LARGE1: variants seen among roughly 807,000 people sequenced by gnomAD.
The protein encoded by LARGE1 is LARGE xylosyl- and glucuronyltransferase 1.
LARGE1 carries 43 observed loss-of-function variants against 87.6 expected under a neutral mutation model. The observed-to-expected ratio is 0.49, with a 90% confidence interval of 0.38 to 0.63. LARGE1 has a LOEUF of 0.63. Ranked by LOEUF, LARGE1 falls within the 30% of genes least tolerant of loss-of-function variation. LARGE1 has a pLI of 0.00. For missense variants in LARGE1, 802 were observed against 1,000.2 expected (o/e 0.80, Z 2.67); for synonymous variants, 434 against 394.6 (o/e 1.10, Z -1.18).
chr22:33,195,337 C>G (rs1230158126), intron 11 of LARGE1, among the ~76,000 whole-genome samples: 2 of 152,092 alleles, frequency 1.3e-5, no homozygotes. Context: ...TCTGAACTAA[C>G]TGGTATCTGT....
At chr22:33,127,247 A>G in the LARGE1 span, among the ~76,000 whole-genome samples, 1 of 152,160 alleles carries the variant, frequency 6.6e-6, no homozygotes, top group Non-Finnish European at 1.5e-5. Flanking sequence ...TCTCCTATAT[A>G]TCCAATCCCC....
chr22:33,808,646 C>A (rs931891210), intron 1 of LARGE1, among the ~76,000 whole-genome samples: 1 of 152,232 alleles, frequency 6.6e-6, no homozygotes, highest in Non-Finnish European at 1.5e-5. Context: ...ATGCTCACCA[C>A]CCCACATGTG....
At chr22:33,200,138 C>T (rs114673618) in intron 11 of LARGE1, among the ~76,000 whole-genome samples, 108 of 152,166 alleles carry the variant, frequency 7.1e-4, no homozygotes, top group African/African-American at 2.4e-3. Flanking sequence ...TGAGCCACTG[C>T]GCCCAGCCGA....
Position 33,741,882 on chromosome 22 carries a change from T to C in LARGE1, c.106+19489A>G, listed in dbSNP as rs1010739008. Among the ~76,000 whole-genome samples the C allele has an allele frequency of 1.2e-4, 19 of 152,172 alleles. 2 individuals carry two copies. The highest frequency in any genetic ancestry group is 1.2e-3 in the Admixed American group (18 of 15,286). On this transcript the variant is annotated intron_variant, in intron 2 of 14. Transcript: ENST00000397394. ...GTTCCATGCCCACCCTCCAGATGGA[T>C]GGAGCCTCTGTTCGGGCAAAGAACT...
rs182556394 is a variant in LARGE1, at chr22:33,755,248, A to G, written c.106+6123T>C. Among the ~76,000 whole-genome samples, 144 of 152,314 alleles carry G rather than the reference A, an allele frequency of 9.5e-4. 1 individual carries two copies. Among genetic ancestry groups the G allele is most frequent in the African/African-American group, 3.3e-3 (136 of 41,568 alleles). ...AATGACAAAACAGGGGTGCAGGCTG[A>G]TATCAGTTCAGAAGTGAAGATCCTC... On this transcript the variant is annotated intron_variant, in intron 2 of 14. Coordinates refer to ENST00000397394, the MANE Select transcript of LARGE1 (RefSeq NM_133642.5).
chr22:33,144,287 T>C, the LARGE1 span, among the ~76,000 whole-genome samples: 2 of 152,134 alleles, frequency 1.3e-5, no homozygotes, highest in African/African-American at 4.8e-5. Context: ...ACTTTCAAGG[T>C]GTAATTGATC....
chr22:33,781,703 C>T (rs541403911), intron 1 of LARGE1, among the ~76,000 whole-genome samples: 1 of 152,322 alleles, frequency 6.6e-6, no homozygotes, highest in Admixed American at 6.5e-5. Flanking sequence ...TAATACTTAT[C>T]TAGCACTTAG....
At chr22:33,280,120 C>T (rs1482056002) in intron 13 of LARGE1, among the ~76,000 whole-genome samples, 1 of 152,038 alleles carries the variant, frequency 6.6e-6, no homozygotes, top group Non-Finnish European at 1.5e-5. Flanking sequence ...TGGTTAAAAG[C>T]AATGGTTCTG....
At chr22:33,576,457 G>A (rs2078355212) in intron 5 of LARGE1, among the ~76,000 whole-genome samples, 1 of 152,162 alleles carries the variant, frequency 6.6e-6, no homozygotes, top group African/African-American at 2.4e-5. Context: ...CCTGACAGGA[G>A]GTGGGAGTGA....
intron 1 of LARGE1, among the ~76,000 whole-genome samples, chr22:33,878,129 CTTTTTTTT>C (rs1186663464): frequency 0.13 from 5,808 of 44,658 alleles, 811 homozygotes; most frequent in African/African-American, 0.33. Context: ...TATTGTATTT[CTTTTTTTT>C]TTTTTTTTTT....
chr22:33,369,935 TAAAA>T (rs76332142), intron 9 of LARGE1, among the ~76,000 whole-genome samples: 1,750 of 143,098 alleles, frequency 0.012, 20 homozygotes, highest in African/African-American at 0.036. Context: ...TAGCCAAGAT[TAAAA>T]AAAAAAAAAA....
At chr22:33,488,006 A>G (rs2069662439) in intron 6 of LARGE1, among the ~76,000 whole-genome samples, 1 of 152,218 alleles carries the variant, frequency 6.6e-6, no homozygotes. Context: ...GCCTCAGAGT[A>G]AAAGTACTGG....
chr22:33,448,459 A>G (rs1272025563), intron 6 of LARGE1, among the ~76,000 whole-genome samples: 1 of 152,214 alleles, frequency 6.6e-6, no homozygotes, highest in East Asian at 1.9e-4. Context: ...ATATGTCGGT[A>G]ATATTCTCAC....
intron 6 of LARGE1, among the ~76,000 whole-genome samples, chr22:33,486,598 C>A (rs925105683): frequency 1.3e-5 from 2 of 152,032 alleles, no homozygotes; most frequent in Non-Finnish European, 2.9e-5. Context: ...AAATTAACTG[C>A]AACTTCAGAG....
chr22:33,836,083 A>G (rs189302735), intron 1 of LARGE1, among the ~76,000 whole-genome samples: 16 of 152,336 alleles, frequency 1.1e-4, no homozygotes, highest in African/African-American at 3.6e-4. Flanking sequence ...GAGACTGTCA[A>G]AGGGATCCGT....
chr22:33,328,371 G>C (rs1937421156), intron 10 of LARGE1, among the ~76,000 whole-genome samples: 2 of 152,042 alleles, frequency 1.3e-5, no homozygotes, highest in Non-Finnish European at 2.9e-5. Context: ...CACGAGGTCA[G>C]GAGTTCAAGA....
intron 1 of LARGE1, among the ~76,000 whole-genome samples, chr22:33,882,049 T>TG (rs1200192244): frequency 2.7e-4 from 41 of 150,552 alleles, no homozygotes; most frequent in African/African-American, 9.8e-4. Flanking sequence ...TTTTTTGTTT[T>TG]TTTTTTTTTT....
In LARGE1 at chr22:33,796,851, G is replaced by A. The variant is rs142136068; in HGVS notation, c.-82-35293C>T. ...GAGATCTCAGCTCACTGCAGCCTCC[G>A]CCTCCCTGGTTCAAGCAATTCTCCT... On this transcript the variant is annotated intron_variant, in intron 1 of 14. Transcript: ENST00000397394. 8.8e-3 allele frequency among the ~76,000 whole-genome samples: 1,240 copies of A among 140,932 alleles called. 15 individuals carry two copies. Among genetic ancestry groups the A allele is most frequent in the African/African-American group, 0.032 (1,193 of 37,452 alleles). The allele number at this position is 140,932 out of a possible 152,430, so 92.5% of individuals were successfully genotyped here. A position where few individuals can be genotyped will look rare whatever the true frequency, so the allele number is the denominator to read the frequency against.
Position 33,274,319 on chromosome 22 carries a change from A to C in LARGE1, c.*108T>G. The C allele has an allele frequency of 8.1e-7, 1 of 1,233,688 alleles. No homozygotes were observed. The highest frequency in any genetic ancestry group is 1.2e-6 in the Non-Finnish European group (1 of 838,336). 76.4% of individuals were successfully genotyped at this position (1,233,688 alleles called of 1,614,324 possible). A position where few individuals can be genotyped will look rare whatever the true frequency, so the allele number is the denominator to read the frequency against. On this transcript the variant is annotated 3_prime_UTR_variant, in exon 15 of 15. Coordinates refer to ENST00000397394, the MANE Select transcript of LARGE1 (RefSeq NM_133642.5). The stretch of plus-strand genomic sequence containing the variant: ...TGGCTGGGCCAAAGAGATAAATAAA[A>C]ACAAACCGAAAAAGCATGGCTCAAT...
Sources: allele counts gnomAD v4.1 joint callset (sites outside exome capture counted in the v4.1 genomes callset), GRCh38; gene constraint gnomAD v4.1.1; transcripts MANE v1.5; gene names NCBI Gene and HGNC (gene_info 2026-07-23, HGNC 2026-07-21).